The following DPYD variants were observed in gnomAD, a reference collection of about 807,000 sequenced individuals.
DPYD encodes dihydropyrimidine dehydrogenase, also known as dihydropyrimidine dehydrogenase [NADP(+)].
Under a neutral mutation model 116.2 loss-of-function variants are expected in DPYD, and 109 were observed. The observed-to-expected ratio is 0.94, with a 90% CI of 0.80 to 1.10. The LOEUF (loss-of-function observed/expected upper bound fraction) is 1.10. DPYD is among the 50% of genes least tolerant of loss of function. The pLI, the probability that DPYD is intolerant of heterozygous loss-of-function variation, is 0.00. For missense variants in DPYD, 1,302 were observed against 1,254.5 expected, an observed-to-expected ratio of 1.04 and a Z score of -0.57; for synonymous variants, 440 against 432.0, an observed-to-expected ratio of 1.02 and a Z score of -0.23.
intron 18 of DPYD, among the ~76,000 whole-genome samples, chr1:97,253,823 G>T (rs931854322): frequency 4.0e-5 from 6 of 151,894 alleles, no homozygotes; most frequent in Admixed American, 2.6e-4. Flanking sequence ...ATAACACTTG[G>T]ATTCTTCTTG....
At chr1:97,751,235 T>A (rs1343724583) in intron 3 of DPYD, among the ~76,000 whole-genome samples, 1 of 151,006 alleles carries the variant, frequency 6.6e-6, no homozygotes, top group East Asian at 2.0e-4. Context: ...TAGAAGAGGA[T>A]GACTTAATAT....
intron 8 of DPYD, among the ~76,000 whole-genome samples, chr1:97,637,402 C>T (rs368349774): frequency 6.6e-6 from 1 of 152,060 alleles, no homozygotes; most frequent in African/African-American, 2.4e-5. Context: ...CTCCTTTATG[C>T]ATATGAATAA....
chr1:97,642,344 C>T (rs1387598795), intron 8 of DPYD, among the ~76,000 whole-genome samples: 10 of 152,086 alleles, frequency 6.6e-5, no homozygotes, highest in Admixed American at 5.2e-4. Context: ...TCAAACTATA[C>T]TACAGGGCTA....
chr1:97,384,626 T>C (rs1166631248), intron 14 of DPYD, among the ~76,000 whole-genome samples: 2 of 152,054 alleles, frequency 1.3e-5, no homozygotes, highest in Non-Finnish European at 2.9e-5. Flanking sequence ...CTGGCGATTA[T>C]ATGAGTAAGA....
intron 10 of DPYD, among the ~76,000 whole-genome samples, chr1:97,582,600 T>C (rs907868074): frequency 6.6e-6 from 1 of 152,208 alleles, no homozygotes; most frequent in African/African-American, 2.4e-5. Context: ...CTCTGGCCTG[T>C]ACAAGCAAAT....
At chr1:97,222,114 A>G (rs1660817188) in intron 19 of DPYD, among the ~76,000 whole-genome samples, 1 of 152,122 alleles carries the variant, frequency 6.6e-6, no homozygotes, top group Admixed American at 6.6e-5. Context: ...ATTTTCTTTC[A>G]AAATGAAGAA....
intron 16 of DPYD, among the ~76,000 whole-genome samples, chr1:97,351,167 C>T (rs957086992): frequency 6.6e-6 from 1 of 152,040 alleles, no homozygotes; most frequent in East Asian, 1.9e-4. Context: ...TATATCTGTT[C>T]CTCCCTCTTC....
At chr1:97,223,424 C>T (rs28655439) in intron 19 of DPYD, among the ~76,000 whole-genome samples, 2 of 144,862 alleles carry the variant, frequency 1.4e-5, no homozygotes, top group South Asian at 4.4e-4. Context: ...CACACAAACA[C>T]ACACACATCC....
chr1:97,741,463 C>A (rs1456452013), intron 3 of DPYD, among the ~76,000 whole-genome samples: 1 of 152,070 alleles, frequency 6.6e-6, no homozygotes, highest in Non-Finnish European at 1.5e-5. Context: ...ACCTGGGAAT[C>A]CGCATTTTGA....
intron 10 of DPYD, among the ~76,000 whole-genome samples, chr1:97,577,008 T>C (rs936120222): frequency 6.6e-6 from 1 of 152,214 alleles, no homozygotes; most frequent in African/African-American, 2.4e-5. Context: ...ATATATTTGT[T>C]TGGAAAGTAT....
intron 18 of DPYD, among the ~76,000 whole-genome samples, chr1:97,236,285 C>T (rs1661920528): frequency 1.3e-5 from 2 of 152,096 alleles, no homozygotes; most frequent in Non-Finnish European, 2.9e-5. Context: ...TTTGTCATCA[C>T]CTCCACCACC....
At chr1:97,568,158 A>T (rs1652662789) in intron 11 of DPYD, among the ~76,000 whole-genome samples, 1 of 152,138 alleles carries the variant, frequency 6.6e-6, no homozygotes. Flanking sequence ...CATTAAAAAA[A>T]TCATGAATGT....
intron 8 of DPYD, among the ~76,000 whole-genome samples, chr1:97,604,420 C>A (rs1655455160): frequency 6.6e-6 from 1 of 151,926 alleles, no homozygotes; most frequent in Admixed American, 6.6e-5. Flanking sequence ...GTCGTGCTAC[C>A]ATATAATTAT....
At chr1:97,477,448 T>C (rs1362804235) in intron 13 of DPYD, among the ~76,000 whole-genome samples, 1 of 152,184 alleles carries the variant, frequency 6.6e-6, no homozygotes. Context: ...TTGAACTCAG[T>C]GAGAGATATG....
intron 18 of DPYD, among the ~76,000 whole-genome samples, chr1:97,290,029 A>C (rs1158726714): frequency 6.6e-6 from 1 of 152,196 alleles, no homozygotes; most frequent in Non-Finnish European, 1.5e-5. Flanking sequence ...TCAAATCACA[A>C]GCATTCTTAT....
intron 13 of DPYD, among the ~76,000 whole-genome samples, chr1:97,468,261 T>C (rs1238024040): frequency 6.6e-6 from 1 of 152,234 alleles, no homozygotes; most frequent in Non-Finnish European, 1.5e-5. Flanking sequence ...TTCTAATTTA[T>C]TTCCAGCCAT....
chr1:97,226,330 G>A (rs545953645), intron 19 of DPYD, among the ~76,000 whole-genome samples: 2 of 151,972 alleles, frequency 1.3e-5, no homozygotes, highest in South Asian at 2.1e-4. Context: ...TTAAGAACAA[G>A]ACAAGGATGC....
At chr1:97,738,184 C>A (rs1033853725) in intron 4 of DPYD, among the ~76,000 whole-genome samples, 1 of 152,082 alleles carries the variant, frequency 6.6e-6, no homozygotes, top group Non-Finnish European at 1.5e-5. Flanking sequence ...CTCATGCATT[C>A]TCATATAAAG....
At chr1:97,536,735 G>C (rs1650029324) in intron 12 of DPYD, among the ~76,000 whole-genome samples, 1 of 152,146 alleles carries the variant, frequency 6.6e-6, no homozygotes, top group African/African-American at 2.4e-5. Flanking sequence ...GCCTCACCCA[G>C]ATTTCACAGG....
Sources: gnomAD v4.1 joint callset for allele counts (sites outside exome capture counted in the v4.1 genomes callset) on GRCh38, gnomAD v4.1.1 for gene constraint, MANE v1.5 for transcripts, NCBI Gene and HGNC (gene_info 2026-07-23, HGNC 2026-07-21) for gene names.